Variants in DPP10 observed in about 807,000 individuals in gnomAD.
DPP10 encodes the protein dipeptidyl peptidase like 10.
DPP10 carries 33 observed loss-of-function variants against 120.9 expected under a neutral mutation model. That is an observed-to-expected ratio of 0.27 (90% CI 0.21 to 0.37). The LOEUF (loss-of-function observed/expected upper bound fraction) is 0.37, where lower values mean the gene tolerates loss of function less well. DPP10 is among the 10% of genes least tolerant of loss of function. DPP10 has a pLI of 1.00. For synonymous variants in DPP10, 337 were observed against 326.1 expected (o/e 1.03, Z -0.36); for missense variants, 816 against 942.8 (o/e 0.87, Z 1.76).
At chr2:114,665,871 G>A (rs923364248) in intron 1 of DPP10, among the ~76,000 whole-genome samples, 3 of 152,152 alleles carry the variant, frequency 2.0e-5, no homozygotes, top group Admixed American at 6.5e-5. Flanking sequence ...GGTCTGGGAT[G>A]GTTAGTTTTG....
chr2:115,007,131 C>A (rs1311544265), intron 1 of DPP10, among the ~76,000 whole-genome samples: 3 of 152,070 alleles, frequency 2.0e-5, no homozygotes, highest in Non-Finnish European at 4.4e-5. Flanking sequence ...GGGTACATAA[C>A]GAAATGAAGG....
chr2:115,837,442 C>G (rs1689649270), intron 24 of DPP10, among the ~76,000 whole-genome samples: 1 of 152,030 alleles, frequency 6.6e-6, no homozygotes, highest in Non-Finnish European at 1.5e-5. Context: ...AAATCAATTT[C>G]AAAAAGGAAA....
chr2:115,518,406 C>G (rs2148867570), intron 4 of DPP10, among the ~76,000 whole-genome samples: 1 of 152,046 alleles, frequency 6.6e-6, no homozygotes, highest in East Asian at 1.9e-4. Context: ...CTAAAATGAG[C>G]CTTTGAACCA....
At chr2:115,310,803 C>T (rs780268178) in intron 2 of DPP10, among the ~76,000 whole-genome samples, 9 of 152,254 alleles carry the variant, frequency 5.9e-5, no homozygotes, top group African/African-American at 1.2e-4. Context: ...AAGAATGAGT[C>T]GACATTGCTG....
intron 1 of DPP10, among the ~76,000 whole-genome samples, chr2:114,580,532 A>C (rs1302274457): frequency 6.6e-6 from 1 of 152,196 alleles, no homozygotes; most frequent in African/African-American, 2.4e-5. Context: ...CGGATTTGGA[A>C]TAATGCCTGT....
chr2:115,824,728 G>T (rs558829127), intron 21 of DPP10, among the ~76,000 whole-genome samples: 16 of 152,070 alleles, frequency 1.1e-4, no homozygotes, highest in Non-Finnish European at 2.2e-4. Flanking sequence ...TCATTGATGG[G>T]CATTTGGGTT....
chr2:115,509,457 T>A (rs1157235294), intron 4 of DPP10, among the ~76,000 whole-genome samples: 1 of 152,092 alleles, frequency 6.6e-6, no homozygotes, highest in African/African-American at 2.4e-5. Flanking sequence ...GGTTTGAGCG[T>A]ATGGTTGGAT....
At chr2:115,296,020 C>T (rs2060870024) in intron 1 of DPP10, among the ~76,000 whole-genome samples, 1 of 152,152 alleles carries the variant, frequency 6.6e-6, no homozygotes, top group South Asian at 2.1e-4. Context: ...GTTTCTATTT[C>T]AGTATTGGCT....
At chr2:115,064,576 C>A (rs142559482) in intron 1 of DPP10, 1 of 1,133,236 alleles carries the variant, frequency 8.8e-7, no homozygotes, top group Non-Finnish European at 1.2e-6. Flanking sequence ...CCTACACACA[C>A]ATATTTCGGT....
At chr2:115,048,590 A>G (rs1204280121) in intron 1 of DPP10, among the ~76,000 whole-genome samples, 1 of 152,074 alleles carries the variant, frequency 6.6e-6, no homozygotes, top group East Asian at 1.9e-4. Context: ...AAGAACTATT[A>G]TGATCTGGGG....
chr2:115,103,834 A>G (rs549423582), intron 1 of DPP10, among the ~76,000 whole-genome samples: 15 of 152,316 alleles, frequency 9.8e-5, no homozygotes, highest in Middle Eastern at 3.4e-3. Flanking sequence ...CTGCTTCCCA[A>G]CCAGGAATGT....
At chr2:115,503,655 A>G (rs2148806617) in intron 4 of DPP10, among the ~76,000 whole-genome samples, 1 of 152,302 alleles carries the variant, frequency 6.6e-6, no homozygotes, top group East Asian at 1.9e-4. Flanking sequence ...GAATCCCAGT[A>G]GTGATAGACA....
intron 1 of DPP10, among the ~76,000 whole-genome samples, chr2:114,504,022 A>G (rs1248226596): frequency 2.6e-5 from 4 of 152,192 alleles, no homozygotes; most frequent in Non-Finnish European, 4.4e-5. Context: ...TAAAGTGAAT[A>G]TTCTACTTTC....
At chr2:115,252,733 A>G (rs2058807635) in intron 1 of DPP10, among the ~76,000 whole-genome samples, 1 of 152,192 alleles carries the variant, frequency 6.6e-6, no homozygotes, top group South Asian at 2.1e-4. Flanking sequence ...ATGTACTTGA[A>G]TAAAATTTGC....
intron 1 of DPP10, among the ~76,000 whole-genome samples, chr2:114,669,132 C>A (rs1573929456): frequency 2.6e-5 from 4 of 152,182 alleles, no homozygotes; most frequent in Admixed American, 2.6e-4. Flanking sequence ...CAACTGTTCC[C>A]CACTCATCTC....
At chr2:114,631,232 A>G (rs1396537442) in intron 1 of DPP10, among the ~76,000 whole-genome samples, 1 of 152,082 alleles carries the variant, frequency 6.6e-6, no homozygotes, top group Non-Finnish European at 1.5e-5. Flanking sequence ...GAGGAGCTGG[A>G]AGAGGTCATT....
intron 7 of DPP10, among the ~76,000 whole-genome samples, chr2:115,721,323 T>C (rs993686917): frequency 1.3e-5 from 2 of 152,196 alleles, no homozygotes; most frequent in Non-Finnish European, 2.9e-5. Context: ...GAAATTTACA[T>C]TTGTCAATAA....
chr2:115,815,357 G>A (rs17045068), intron 20 of DPP10, among the ~76,000 whole-genome samples: 2,776 of 152,228 alleles, frequency 0.018, 88 homozygotes, highest in African/African-American at 0.061. Flanking sequence ...TGTGACCTAA[G>A]AAAGTTAGTG....
chr2:115,484,014 T>C (rs2075610841), intron 3 of DPP10, among the ~76,000 whole-genome samples: 1 of 152,074 alleles, frequency 6.6e-6, no homozygotes, highest in African/African-American at 2.4e-5. Flanking sequence ...ATCATTTTTC[T>C]CCAGGGGAAA....
Sources: allele counts gnomAD v4.1 joint callset (sites outside exome capture counted in the v4.1 genomes callset), GRCh38; gene constraint gnomAD v4.1.1; transcripts MANE v1.5; gene names NCBI Gene and HGNC (gene_info 2026-07-23, HGNC 2026-07-21).